Variants in MTERF4 observed in about 807,000 individuals in gnomAD.
MTERF4 encodes the protein transcription termination factor 4, mitochondrial.
A neutral mutation model predicts 22.5 loss-of-function variants in MTERF4; 17 were observed. That is an observed-to-expected ratio of 0.75 (90% CI 0.52 to 1.13). MTERF4 has a LOEUF of 1.13. Among genes scored for constraint, MTERF4 ranks in the 50% most tolerant of loss-of-function variants. MTERF4 has a pLI of 0.00. For missense variants in MTERF4, 420 were observed against 466.8 expected, an observed-to-expected ratio of 0.90 and a Z score of 0.92; for synonymous variants, 165 against 175.3, an observed-to-expected ratio of 0.94 and a Z score of 0.47.
chr2:241,090,556 C>A, downstream of MTERF4: 1 of 1,260,620 alleles, frequency 7.9e-7, no homozygotes, highest in Non-Finnish European at 1.1e-6. Context: ...CTTCTATACA[C>A]AGGGCAGTGC....
At chr2:241,071,655 G>C (rs779400360), downstream of MTERF4, 1 of 1,568,492 alleles carries the variant, frequency 6.4e-7, no homozygotes, top group Non-Finnish European at 8.6e-7. Flanking sequence ...CGCCCCCGGC[G>C]CGCCTGCCGG....
chr2:241,061,291 A>G, the MTERF4 span, among the ~76,000 whole-genome samples: 10 of 152,244 alleles, frequency 6.6e-5, no homozygotes. Flanking sequence ...ATTAGTAATC[A>G]GGGAAATGCA....
At chr2:241,083,340 T>A (rs7580364), downstream of MTERF4, among the ~76,000 whole-genome samples, 5,675 of 152,094 alleles carry the variant, frequency 0.037, 365 homozygotes, top group African/African-American at 0.13. Flanking sequence ...CAGGGAACCC[T>A]CGGGGCCATG....
At chr2:241,062,806 G>C in the MTERF4 span, 1 of 1,609,894 alleles carries the variant, frequency 6.2e-7, no homozygotes, top group Non-Finnish European at 8.5e-7. Context: ...GATGAGTGCC[G>C]GTCTCAGCCG....
rs935927304 is a variant in MTERF4 at position 241,076,935 on chromosome 2, T to C, written n.480-1253A>G. On this transcript the variant is annotated intron_variant and non_coding_transcript_variant, in intron 4 of 4. Transcript: ENST00000464344. ...TCTACTAAAAATACAAAAAATTAGC[T>C]GGGCATGGTGGCGGGCGCCTGTGGT... Among the ~76,000 whole-genome samples, 4 of 152,060 alleles carry C rather than the reference T, an allele frequency of 2.6e-5. No homozygotes were observed. In the South Asian group the frequency reaches 6.2e-4, roughly 24 times the overall value.
Position 241,096,222 on chromosome 2 carries a change from T to G in MTERF4, c.922A>C (p.Thr308Pro). 1 of 1,614,194 alleles carries G rather than the reference T, an allele frequency of 6.2e-7. No individual in the cohort carries two copies. Among genetic ancestry groups the G allele is most frequent in the Non-Finnish European group, 8.5e-7 (1 of 1,180,032 alleles). ...EAEFLARTACTSVEEFQVFKK... is the reference protein window; with the variant it reads ...EAEFLARTACPSVEEFQVFKK... ...AAAACTTGAAACTCCTCAACAGAAG[T>G]ACAGGCTGTCCTGGCCAAAAACTCA... is the stretch of plus-strand genomic sequence containing the variant. The change falls in exon 4 of 4, where the codon ACT (threonine) becomes CCT (proline). Residue 308 changes from threonine (T) to proline (P), a missense_variant. Transcript: ENST00000391980. This position sits in a 1 kb window ranked among gnomAD's most constrained non-coding sequence, Gnocchi z 5.1.
intron 2 of MTERF4, among the ~76,000 whole-genome samples, chr2:241,098,480 C>A (rs74000382): frequency 0.035 from 5,347 of 152,178 alleles, 320 homozygotes; most frequent in African/African-American, 0.12. Context: ...TCCTTGGAGA[C>A]CCCCAACTCC....
Position 241,096,099 on chromosome 2 carries a change from C to G in MTERF4, c.1045G>C (p.Glu349Gln), listed in dbSNP as rs1204850826. 1 of 1,613,004 alleles carries G rather than the reference C, an allele frequency of 6.2e-7. No individual in the cohort carries two copies. Among genetic ancestry groups the G allele is most frequent in the East Asian group, 2.2e-5 (1 of 44,884 alleles). ...LDEDEDDDDE[E>Q]DNDEDDNDED... is the part of the protein sequence containing the mutation. ...TCATTGTCATCCTCATCATTGTCCT[C>G]CTCATCATCGTCATCCTCATCCTCA... The change falls in exon 4 of 4, where the codon GAG becomes CAG. Residue 349 changes from glutamate (E) to glutamine (Q), a missense_variant. Transcript: ENST00000391980. This position sits in a 1 kb window ranked among gnomAD's most constrained non-coding sequence, Gnocchi z 5.1.
chr2:241,045,761 A>G, the MTERF4 span, among the ~76,000 whole-genome samples: 1 of 152,074 alleles, frequency 6.6e-6, no homozygotes, highest in Non-Finnish European at 1.5e-5. Context: ...GTGTTCTTAG[A>G]TAAGACAGCA....
chr2:241,099,373 CCAAAATCTG>C lies in MTERF4; in HGVS notation c.520+14_520+22del. On this transcript the variant is annotated intron_variant, in intron 2 of 3. Coordinates refer to ENST00000391980, the MANE Select transcript of MTERF4 (RefSeq NM_182501.4). The stretch of plus-strand genomic sequence containing the variant: ...TACAGGCATGAGCCACCGCACCCAG[CCAAAATCTG>C]CAACTTCTTGTACCTTCTCCAAGCC... The C allele has an allele frequency of 6.2e-7, 1 of 1,600,472 alleles. No homozygotes were observed. Among genetic ancestry groups the C allele is most frequent in the South Asian group, 1.1e-5 (1 of 89,920 alleles).
In MTERF4 at chr2:241,096,047, TCG is replaced by T. The variant is rs2064392211; in HGVS notation, c.1095_1096del (p.Asp365GlufsTer7). 1 of 1,606,644 alleles carries T rather than the reference TCG, an allele frequency of 6.2e-7. No individual in the cohort carries two copies. Among genetic ancestry groups the T allele is most frequent in the African/African-American group, 1.5e-5 (1 of 68,206 alleles). The stretch of plus-strand genomic sequence containing the variant: ...ATCCTCATCATTGTCCTCCGCCTCG[TCG>T]TCGTCCTCATCATCGTCATCCTCAT... On this transcript the variant is annotated frameshift_variant, in exon 4 of 4. Coordinates refer to ENST00000391980, the MANE Select transcript of MTERF4 (RefSeq NM_182501.4). LOFTEE classifies it high-confidence loss of function. The surrounding 1 kb of genome is among the most constrained non-coding windows in gnomAD (Gnocchi z 5.1).
At chr2:241,101,967 T>C (rs1217525282) in intron 1 of MTERF4, among the ~76,000 whole-genome samples, 1 of 151,798 alleles carries the variant, frequency 6.6e-6, no homozygotes, top group South Asian at 2.1e-4. Flanking sequence ...GCAGTAGAAT[T>C]GCTTGAACCC....
chr2:241,084,542 G>A (rs1010054392), downstream of MTERF4, among the ~76,000 whole-genome samples: 14 of 152,124 alleles, frequency 9.2e-5, no homozygotes, highest in African/African-American at 2.9e-4. Flanking sequence ...CCATGGCAGC[G>A]GCTGACATCA....
chr2:241,099,081 C>CT (rs11343341), intron 2 of MTERF4: 2,280 of 194,230 alleles, frequency 0.012, 2 homozygotes, highest in South Asian at 0.021. Context: ...TATATAAAAT[C>CT]TTTTTTTTTT....
At chr2:241,050,044 G>A in the MTERF4 span, 2 of 793,390 alleles carry the variant, frequency 2.5e-6, no homozygotes, top group Non-Finnish European at 4.4e-6. Flanking sequence ...TGCTGACCTC[G>A]TCTAGAGCCT....
At chr2:241,049,914 C>T in the MTERF4 span, 8 of 1,613,384 alleles carry the variant, frequency 5.0e-6, no homozygotes, top group Admixed American at 3.3e-5. Context: ...GCGGGTTCCA[C>T]GGCAAGCACT....
In MTERF4 at chr2:241,099,585, C is replaced by G. The variant is rs1051566058; in HGVS notation, c.331G>C (p.Glu111Gln). The change falls in exon 2 of 4, where the codon GAA (glutamate) becomes CAA (glutamine). Residue 111 changes from glutamate to glutamine, a missense_variant. By Grantham distance (29) the Glu-to-Gln change is conservative. Transcript: ENST00000391980. ...DMGFSNAHIN[E>Q]LLSVRRGASL... The stretch of plus-strand genomic sequence containing the variant: ...GCACCTCGCCGTACACTGAGCAATT[C>G]ATTAATATGGGCATTGCTGAAACCC... 1.9e-6 allele frequency: 3 copies of G among 1,614,098 alleles called. No individual in the cohort carries two copies. The highest frequency in any genetic ancestry group is 2.5e-6 in the Non-Finnish European group (3 of 1,180,058).
chr2:241,066,639 T>G, the MTERF4 span, among the ~76,000 whole-genome samples: 1 of 97,458 alleles, frequency 1.0e-5, no homozygotes, highest in Non-Finnish European at 2.6e-5. Flanking sequence ...GATGGATGGG[T>G]GGGTGGGTGG....
At chr2:241,084,475 T>A (rs151309848), downstream of MTERF4, among the ~76,000 whole-genome samples, 184 of 152,244 alleles carry the variant, frequency 1.2e-3, no homozygotes, top group African/African-American at 4.2e-3. Flanking sequence ...GGATTTACCA[T>A]ACACATCTTC....
Sources: gnomAD v4.1 joint callset for allele counts (sites outside exome capture counted in the v4.1 genomes callset) on GRCh38, gnomAD v4.1.1 for gene constraint, Gnocchi (gnomAD v3.1) non-coding constraint, MANE v1.5 for transcripts, NCBI Gene and HGNC (gene_info 2026-07-23, HGNC 2026-07-21) for gene names.